The following COL22A1 variants were observed in gnomAD, a reference collection of about 807,000 sequenced individuals.
COL22A1 encodes collagen type XXII alpha 1 chain, also known as collagen alpha-1(XXII) chain.
COL22A1 carries 221 observed loss-of-function variants against 248.9 expected under a neutral mutation model. The ratio of observed to expected loss-of-function variants is 0.89; its 90% confidence interval spans 0.80 to 0.99. The LOEUF is 0.99. COL22A1 is among the 50% of genes least tolerant of loss of function. The probability of loss-of-function intolerance (pLI) is 0.00; values close to 1 mark genes in which losing one functional copy is unlikely to be tolerated. For synonymous variants in COL22A1, 891 were observed against 793.4 expected (o/e 1.12, Z -2.07); for missense variants, 2,240 against 2,179.0 (o/e 1.03, Z -0.56).
At chr8:138,848,515 G>A (rs914820389) in intron 3 of COL22A1, among the ~76,000 whole-genome samples, 8 of 152,160 alleles carry the variant, frequency 5.3e-5, no homozygotes, top group African/African-American at 1.4e-4. Flanking sequence ...AAAAGGGCTT[G>A]CACAATATGG....
intron 16 of COL22A1, among the ~76,000 whole-genome samples, chr8:138,771,036 G>T (rs773471853): frequency 6.6e-6 from 1 of 152,232 alleles, no homozygotes; most frequent in Admixed American, 6.5e-5. Context: ...GGACTTGCAG[G>T]TTAAATAATT....
intron 27 of COL22A1, among the ~76,000 whole-genome samples, chr8:138,718,950 C>G (rs1015534209): frequency 6.6e-6 from 1 of 152,078 alleles, no homozygotes; most frequent in African/African-American, 2.4e-5. Context: ...TCTACAGAAC[C>G]CTGCATGAGA....
intron 3 of COL22A1, among the ~76,000 whole-genome samples, chr8:138,867,221 T>G (rs1416495624): frequency 6.6e-6 from 1 of 152,186 alleles, no homozygotes; most frequent in African/African-American, 2.4e-5. Context: ...TTCTGGCCAG[T>G]GATCTGGCCT....
At chr8:138,702,558 T>A (rs763873789) in intron 31 of COL22A1, among the ~76,000 whole-genome samples, 1 of 150,692 alleles carries the variant, frequency 6.6e-6, no homozygotes, top group Non-Finnish European at 1.5e-5. Context: ...CAAACTTCCC[T>A]GAAATCAGCT....
At chr8:138,702,390 G>A (rs1040032399) in intron 31 of COL22A1, among the ~76,000 whole-genome samples, 8 of 152,046 alleles carry the variant, frequency 5.3e-5, no homozygotes, top group Non-Finnish European at 1.0e-4. Context: ...TAATGATTTC[G>A]GTGTGATGAA....
chr8:138,755,334 G>A, intron 20 of COL22A1, 124 bp from the exon 21 acceptor site: 1 of 1,263,688 alleles, frequency 7.9e-7, no homozygotes, highest in South Asian at 1.2e-5. Context: ...GGGAGTAGAG[G>A]TATGGGAGTG....
At chr8:138,769,265 T>A (rs1337918624) in intron 16 of COL22A1, among the ~76,000 whole-genome samples, 1 of 152,066 alleles carries the variant, frequency 6.6e-6, no homozygotes, top group African/African-American at 2.4e-5. Flanking sequence ...AACTCAACAG[T>A]TCAACAATGA....
At chr8:138,805,471 T>C (rs1817462567) in intron 10 of COL22A1, among the ~76,000 whole-genome samples, 1 of 105,836 alleles carries the variant, frequency 9.4e-6, no homozygotes, top group African/African-American at 4.3e-5. Context: ...GTGTGTGTAA[T>C]GATATGGGAT....
intron 12 of COL22A1, among the ~76,000 whole-genome samples, chr8:138,796,105 G>A (rs775173377): frequency 2.0e-5 from 3 of 151,998 alleles, no homozygotes; most frequent in African/African-American, 4.8e-5. Context: ...TAAATAGCTC[G>A]TATGAGTAGA....
chr8:138,616,197 T>G, intron 54 of COL22A1, 143 bp from the exon 55 acceptor site: 1 of 717,498 alleles, frequency 1.4e-6, no homozygotes, highest in East Asian at 2.6e-5. Context: ...CAGCCCTGAG[T>G]TGAGGTCTGT....
At chr8:138,628,491 G>A (rs561978489) in intron 50 of COL22A1, among the ~76,000 whole-genome samples, 4 of 152,244 alleles carry the variant, frequency 2.6e-5, no homozygotes, top group Admixed American at 6.5e-5. Flanking sequence ...AGCCAAGATC[G>A]TGCCACTGCA....
intron 3 of COL22A1, among the ~76,000 whole-genome samples, chr8:138,848,965 T>C (rs1010691456): frequency 6.6e-6 from 1 of 151,870 alleles, no homozygotes; most frequent in African/African-American, 2.4e-5. Context: ...CGCTGCTGAG[T>C]GCAGCTAACC....
At chr8:138,760,151 G>T in intron 18 of COL22A1, 92 bp downstream of exon 18, 2 of 1,073,640 alleles carry the variant, frequency 1.9e-6, no homozygotes, top group Non-Finnish European at 2.6e-6. Flanking sequence ...TGCCACCCAG[G>T]CCCCTTCCCT....
chr8:138,790,520 G>A (rs1815941535), intron 12 of COL22A1, among the ~76,000 whole-genome samples: 1 of 152,152 alleles, frequency 6.6e-6, no homozygotes, highest in Non-Finnish European at 1.5e-5. Flanking sequence ...ACATGTCGTG[G>A]AACTCCCTCT....
intron 22 of COL22A1, among the ~76,000 whole-genome samples, chr8:138,740,366 T>C: frequency 6.6e-6 from 1 of 152,180 alleles, no homozygotes; most frequent in East Asian, 1.9e-4. Context: ...CTGAGCAGAA[T>C]GACTCATTAA....
chr8:138,794,984 T>G (rs1023644551), intron 12 of COL22A1, among the ~76,000 whole-genome samples: 1 of 152,118 alleles, frequency 6.6e-6, no homozygotes, highest in Non-Finnish European at 1.5e-5. Context: ...GGATCTGCTG[T>G]GCCACACCGT....
chr8:138,633,369 C>T lies in COL22A1; in HGVS notation c.3609+1641G>A, dbSNP rs537836175. ...TCTGGGCCTCCAATACATCATCTAG[C>T]ATGAGAATAATAAGCCAGGAGTCAT... On this transcript the variant is annotated intron_variant, in intron 49 of 64. Coordinates refer to ENST00000303045, the MANE Select transcript of COL22A1 (RefSeq NM_152888.3). Among the ~76,000 whole-genome samples the T allele has an allele frequency of 4.6e-5, 7 of 152,248 alleles. No individual in the cohort carries two copies. The East Asian group carries it at 1.4e-3, about 29-fold the overall frequency.
At chr8:138,629,769 T>C (rs1249685328) in intron 50 of COL22A1, among the ~76,000 whole-genome samples, 1 of 59,598 alleles carries the variant, frequency 1.7e-5, no homozygotes, top group Non-Finnish European at 4.6e-5. Context: ...GAAGTCTTAT[T>C]AAGTAATAAT....
intron 1 of COL22A1, among the ~76,000 whole-genome samples, chr8:138,888,378 G>A (rs1824820450): frequency 6.6e-6 from 1 of 152,164 alleles, no homozygotes; most frequent in Non-Finnish European, 1.5e-5. Flanking sequence ...GGTGAGTTTG[G>A]AAGGCTGAGC....
Sources: allele counts gnomAD v4.1 joint callset (sites outside exome capture counted in the v4.1 genomes callset), GRCh38; gene constraint gnomAD v4.1.1; transcripts MANE v1.5; gene names NCBI Gene and HGNC (gene_info 2026-07-23, HGNC 2026-07-21).